Variants in NHS observed in about 807,000 individuals in gnomAD.
NHS encodes the protein NHS actin remodeling regulator.
NHS carries 5 observed loss-of-function variants against 72.5 expected under a neutral mutation model. That is an observed-to-expected ratio of 0.07 (90% CI 0.04 to 0.14). The LOEUF (loss-of-function observed/expected upper bound fraction) is 0.14, where lower values mean the gene tolerates loss of function less well. NHS is among the 10% of genes least tolerant of loss of function. The pLI is 1.00. For missense variants in NHS, 1,072 were observed against 1,355.7 expected (o/e 0.79, Z 3.29); for synonymous variants, 464 against 547.7 (o/e 0.85, Z 2.13).
intron 1 of NHS, among the ~76,000 whole-genome samples, chrX:17,531,715 C>G (rs953988404): frequency 4.5e-5 from 5 of 112,334 alleles, no homozygotes; most frequent in African/African-American, 1.3e-4. Flanking sequence ...CTTTGTGCTG[C>G]AGCCACGCTG....
At chrX:17,461,687 A>C (rs1260639207) in intron 1 of NHS, among the ~76,000 whole-genome samples, 4 of 112,869 alleles carry the variant, frequency 3.5e-5, no homozygotes, top group African/African-American at 6.4e-5. Flanking sequence ...ATAAAACAAC[A>C]ACCATTTATT....
chrX:17,376,035 A>T lies in NHS; in HGVS notation c.278A>T (p.Glu93Val), dbSNP rs2064344543. 9.3e-7 allele frequency: 1 copy of T among 1,076,595 alleles called. No homozygotes were observed. The highest frequency in any genetic ancestry group is 3.5e-5 in the Admixed American group (1 of 28,802). The allele number at this position is 1,076,595 out of a possible 1,213,427, so 88.7% of individuals were successfully genotyped here. A position where few individuals can be genotyped will look rare whatever the true frequency, so the allele number is the denominator to read the frequency against. The change falls in exon 1 of 9, where the codon GAG (glutamate) becomes GTG (valine). Residue 93 changes from glutamate (E) to valine (V), a missense_variant. Transcript: ENST00000676302. Reference protein sequence around the residue: ...PPHGEASVAGEESTAGIPEAA... With the variant: ...PPHGEASVAGVESTAGIPEAA... ...CACGGAGAGGCGTCCGTGGCTGGCGAGGAGAGCACGGCGGGGATCCCGGAG... is the reference window on the plus strand; with the variant it reads ...CACGGAGAGGCGTCCGTGGCTGGCGTGGAGAGCACGGCGGGGATCCCGGAG...
chrX:17,544,783 G>C (rs2065283636), intron 1 of NHS, among the ~76,000 whole-genome samples: 1 of 112,584 alleles, frequency 8.9e-6, no homozygotes, highest in Non-Finnish European at 1.9e-5. Flanking sequence ...AAAGTGCTGG[G>C]ATTACAGGCA....
intron 1 of NHS, among the ~76,000 whole-genome samples, chrX:17,477,790 T>C (rs181792074): frequency 6.2e-4 from 70 of 112,219 alleles, no homozygotes; most frequent in African/African-American, 2.2e-3. Flanking sequence ...GTGAGACTAA[T>C]TTCAAGGGAT....
chrX:17,657,692 A>T (rs990110377), intron 1 of NHS, among the ~76,000 whole-genome samples: 2 of 112,785 alleles, frequency 1.8e-5, no homozygotes, highest in African/African-American at 6.4e-5. Flanking sequence ...AGGCTGGAGG[A>T]TGGGAGCCTG....
chrX:17,392,254 A>G (rs1449476961), intron 1 of NHS, among the ~76,000 whole-genome samples: 4 of 112,177 alleles, frequency 3.6e-5, no homozygotes, highest in Non-Finnish European at 7.5e-5. Context: ...CCGTATGGAA[A>G]GAGCCTGGGT....
In NHS at chrX:17,525,026, G is replaced by A. The variant is rs183485119; in HGVS notation, c.565+148704G>A. Among the ~76,000 whole-genome samples, 16 of 112,084 alleles carry A rather than the reference G, an allele frequency of 1.4e-4. No homozygotes were observed. In the East Asian group the frequency reaches 4.2e-3, roughly 29 times the overall value. Reference sequence around the variant, plus strand: ...TAGTAGCTGAGCTCACAGGGAGGAAGGGCCTTGATTTCCTCCTTGGACTCT... The same window carrying A: ...TAGTAGCTGAGCTCACAGGGAGGAAAGGCCTTGATTTCCTCCTTGGACTCT... On this transcript the variant is annotated intron_variant, in intron 1 of 8. Coordinates refer to ENST00000676302, the MANE Select transcript of NHS (RefSeq NM_001291867.2).
At chrX:17,688,905 A>G (rs2066179607) in intron 2 of NHS, among the ~76,000 whole-genome samples, 1 of 112,159 alleles carries the variant, frequency 8.9e-6, no homozygotes, top group East Asian at 2.8e-4. Context: ...AGCCCCCTAA[A>G]TTGGGTATCA....
intron 1 of NHS, among the ~76,000 whole-genome samples, chrX:17,405,913 A>G (rs2064527193): frequency 8.9e-6 from 1 of 112,157 alleles, no homozygotes; most frequent in Non-Finnish European, 1.9e-5. Context: ...TGAAACATCC[A>G]CTCAGGCTTC....
At chrX:17,549,638 G>T (rs1281627319) in intron 1 of NHS, among the ~76,000 whole-genome samples, 1 of 111,802 alleles carries the variant, frequency 8.9e-6, no homozygotes, top group African/African-American at 3.3e-5. Context: ...AAGCGTGAGG[G>T]CGCAGGGTGC....
Position 17,732,848 on chromosome X carries a change from A to G in NHS, c.*384A>G. ...CTTTAAGAAGATGAAATTACTCTGGATGTTTGGTATTTTTTTACATTAAAA... is the reference window on the plus strand; with the variant it reads ...CTTTAAGAAGATGAAATTACTCTGGGTGTTTGGTATTTTTTTACATTAAAA... On this transcript the variant is annotated 3_prime_UTR_variant, in exon 9 of 9. Transcript: ENST00000676302. 5.4e-6 allele frequency: 1 copy of G among 186,321 alleles called. No homozygotes were observed. Among genetic ancestry groups the G allele is most frequent in the East Asian group, 1.3e-4 (1 of 7,726 alleles). The allele number at this position is 186,321 out of a possible 1,213,427, so 15.4% of individuals were successfully genotyped here.
At chrX:17,546,564 A>G (rs770667808) in intron 1 of NHS, among the ~76,000 whole-genome samples, 3 of 112,288 alleles carry the variant, frequency 2.7e-5, no homozygotes, top group Non-Finnish European at 5.6e-5. Flanking sequence ...TTCACTGAGC[A>G]CATAACTGAA....
chrX:17,475,615 G>C (rs1425120357), intron 1 of NHS, among the ~76,000 whole-genome samples: 7 of 111,876 alleles, frequency 6.3e-5, no homozygotes, highest in East Asian at 2.8e-4. Flanking sequence ...ATTCATCAAA[G>C]ATGCCCAACA....
intron 1 of NHS, among the ~76,000 whole-genome samples, chrX:17,468,556 A>G (rs760657226): frequency 1.8e-5 from 2 of 109,217 alleles, no homozygotes; most frequent in South Asian, 8.0e-4. Flanking sequence ...TTATTTATTT[A>G]CTTACTTACT....
chrX:17,545,829 A>G (rs1329944731), intron 1 of NHS, among the ~76,000 whole-genome samples: 1 of 111,850 alleles, frequency 8.9e-6, no homozygotes, highest in Non-Finnish European at 1.9e-5. Context: ...AGGTGCTGTT[A>G]CCCCTACAAA....
At chrX:17,411,609 T>TA (rs1260320957) in intron 1 of NHS, among the ~76,000 whole-genome samples, 28 of 111,835 alleles carry the variant, frequency 2.5e-4, no homozygotes, top group Admixed American at 1.5e-3. Flanking sequence ...AGATTTTTTT[T>TA]AAAAAAAGAA....
chrX:17,683,014 A>G (rs182528777), intron 1 of NHS, among the ~76,000 whole-genome samples: 61 of 111,798 alleles, frequency 5.5e-4, no homozygotes, highest in African/African-American at 2.0e-3. Context: ...TGTCTAAGTT[A>G]GCTCATTTCA....
chrX:17,669,775 C>G (rs1321044150), intron 1 of NHS, among the ~76,000 whole-genome samples: 1 of 111,652 alleles, frequency 9.0e-6, no homozygotes, highest in Non-Finnish European at 1.9e-5. Flanking sequence ...ATGGAATATT[C>G]AACTGGGATT....
At chrX:17,688,302 T>A (rs934659460) in intron 2 of NHS, among the ~76,000 whole-genome samples, 1 of 111,596 alleles carries the variant, frequency 9.0e-6, no homozygotes, top group African/African-American at 3.3e-5. Context: ...ACATTCAGTA[T>A]ATATTAGATA....
Sources: gnomAD v4.1 joint callset for allele counts (sites outside exome capture counted in the v4.1 genomes callset) on GRCh38, gnomAD v4.1.1 for gene constraint, MANE v1.5 for transcripts, NCBI Gene and HGNC (gene_info 2026-07-23, HGNC 2026-07-21) for gene names.